Variants in ALDH5A1 observed in about 807,000 individuals in gnomAD.
ALDH5A1 encodes succinate-semialdehyde dehydrogenase, mitochondrial.
A neutral mutation model predicts 54.7 loss-of-function variants in ALDH5A1; 33 were observed. The ratio of observed to expected loss-of-function variants is 0.60; its 90% CI spans 0.46 to 0.81. ALDH5A1 has a LOEUF of 0.81. Ranked by LOEUF, ALDH5A1 falls within the 30% of genes least tolerant of loss-of-function variation. ALDH5A1 has a pLI of 0.00. For synonymous variants in ALDH5A1, 294 were observed against 292.7 expected (o/e 1.00, Z -0.05); for missense variants, 657 against 711.0 (o/e 0.92, Z 0.86).
At position 24,535,019 on chromosome 6, in the gene ALDH5A1, T is replaced by C. The variant is rs1760018141; in HGVS notation, c.*1307T>C. On this transcript the variant is annotated 3_prime_UTR_variant, in exon 10 of 10. Coordinates refer to ENST00000357578, the MANE Select transcript of ALDH5A1 (RefSeq NM_001080.3). Reference sequence around the variant, plus strand: ...CGCTATGACCGGCGTTGCCTCTCACTTTGAAAGAAAGACTCCGTAATCTTA... The same window carrying C: ...CGCTATGACCGGCGTTGCCTCTCACCTTGAAAGAAAGACTCCGTAATCTTA... The C allele has an allele frequency of 6.6e-6, 1 of 152,180 alleles. No homozygotes were observed. Among genetic ancestry groups the C allele is most frequent in the East Asian group, 1.9e-4 (1 of 5,196 alleles). The allele number at this position is 152,180 out of a possible 1,614,324, so 9.4% of individuals were successfully genotyped here.
rs775136518 is a variant in ALDH5A1, at chr6:24,503,419, G to A, written c.595G>A (p.Ala199Thr). The A allele has an allele frequency of 3.0e-5, 49 of 1,612,792 alleles. No individual in the cohort carries two copies. Among genetic ancestry groups the A allele is most frequent in the Non-Finnish European group, 4.1e-5 (48 of 1,179,946 alleles). Residue 199 changes from alanine to threonine, a missense_variant, in exon 3 of 10, where the codon GCA (alanine) becomes ACA (threonine). This residue lies in a region of ALDH5A1 where 425 missense variants were observed against 516.4 expected (regional missense o/e 0.82). Transcript: ENST00000357578. ...LVLKQPIGVA[A>T]VITPWNFPSA... ...CCTCAAGCAGCCCATAGGCGTGGCT[G>A]CAGTCATCACCCCGGTAGGTGACAG...
chr6:24,526,064 T>G (rs1009593224), intron 7 of ALDH5A1, among the ~76,000 whole-genome samples: 26 of 152,148 alleles, frequency 1.7e-4, no homozygotes, highest in South Asian at 4.1e-4. Flanking sequence ...GGAGCTGCCC[T>G]TATGTGAAGC....
intron 5 of ALDH5A1, among the ~76,000 whole-genome samples, chr6:24,515,925 T>A (rs1759562082): frequency 6.6e-6 from 1 of 152,166 alleles, no homozygotes. Flanking sequence ...CTGGAATGCA[T>A]CTTTCTTTCA....
chr6:24,517,869 G>A (rs762827941), intron 5 of ALDH5A1, among the ~76,000 whole-genome samples: 10 of 152,206 alleles, frequency 6.6e-5, no homozygotes, highest in Non-Finnish European at 1.3e-4. Context: ...CATACACAGC[G>A]AGCCTGTTCT....
At position 24,504,925 on chromosome 6, in the gene ALDH5A1, C is replaced by G; in HGVS notation, c.666C>G (p.Gly222=). The G allele has an allele frequency of 1.2e-6, 2 of 1,614,254 alleles. No individual in the cohort carries two copies. The highest frequency in any genetic ancestry group is 1.7e-6 in the Non-Finnish European group (2 of 1,180,052). ...AGGTGGGGGCCGCCCTGGCAGCCGG[C>G]TGTACTGTCGTGGTGAAGCCTGCCG... The part of the protein sequence containing the change: ...TRKVGAALAA[G]CTVVVKPAED... The change falls in exon 4 of 10, where the codon GGC becomes GGG. Residue 222 remains glycine, a synonymous_variant. Transcript: ENST00000357578.
At chr6:24,517,238 T>C (rs985476551) in intron 5 of ALDH5A1, among the ~76,000 whole-genome samples, 1 of 152,210 alleles carries the variant, frequency 6.6e-6, no homozygotes, top group African/African-American at 2.4e-5. Flanking sequence ...ACTCCTGGCC[T>C]CAAGTGATCC....
chr6:24,520,249 A>G, intron 5 of ALDH5A1, 152 bp from the exon 6 acceptor site: 1 of 891,176 alleles, frequency 1.1e-6, no homozygotes, highest in South Asian at 1.3e-5. Context: ...GTAAATATAT[A>G]TTCTTATTTC....
At chr6:24,507,653 C>A (rs6919046) in intron 4 of ALDH5A1, among the ~76,000 whole-genome samples, 3,260 of 151,956 alleles carry the variant, frequency 0.021, 108 homozygotes, top group African/African-American at 0.073. Flanking sequence ...TGGTTTTACT[C>A]CCTTAGGAAC....
chr6:24,499,334 G>A (rs1381398993), intron 1 of ALDH5A1, among the ~76,000 whole-genome samples: 2 of 152,140 alleles, frequency 1.3e-5, no homozygotes, highest in East Asian at 1.9e-4. Flanking sequence ...ATACACCTGT[G>A]CAGATGTGGG....
intron 4 of ALDH5A1, among the ~76,000 whole-genome samples, chr6:24,506,432 T>C (rs1759359626): frequency 1.3e-5 from 2 of 151,834 alleles, no homozygotes; most frequent in East Asian, 3.9e-4. Context: ...TTTGTATTTT[T>C]TGGAGAGACT....
Position 24,518,401 on chromosome 6 carries a change from G to C in ALDH5A1, c.871-2000G>C, listed in dbSNP as rs1206099064. Among the ~76,000 whole-genome samples, 1 of 152,092 alleles carries C rather than the reference G, an allele frequency of 6.6e-6. No homozygotes were observed. The highest frequency in any genetic ancestry group is 2.4e-5 in the African/African-American group (1 of 41,408). On this transcript the variant is annotated intron_variant, in intron 5 of 9. Coordinates refer to ENST00000357578, the MANE Select transcript of ALDH5A1 (RefSeq NM_001080.3). The surrounding 1 kb of genome is among the most constrained non-coding windows in gnomAD (Gnocchi z 4.2). The stretch of plus-strand genomic sequence containing the variant: ...AGAAGCAGAGACTGAGTGGGGAGAG[G>C]ACACTGTCAGAGGACACAGAGCCAG...
chr6:24,518,854 T>A lies in ALDH5A1; in HGVS notation c.871-1547T>A, dbSNP rs771321146. Among the ~76,000 whole-genome samples the A allele has an allele frequency of 1.8e-4, 28 of 152,158 alleles. No homozygotes were observed. Among genetic ancestry groups the A allele is most frequent in the Non-Finnish European group, 2.5e-4 (17 of 68,036 alleles). ...AGCCACCTTGGGCTTGCGAACACCG[T>A]CTGTTTCACTCGAACTATCTCAAGT... On this transcript the variant is annotated intron_variant, in intron 5 of 9. Coordinates refer to ENST00000357578, the MANE Select transcript of ALDH5A1 (RefSeq NM_001080.3). This position sits in a 1 kb window ranked among gnomAD's most constrained non-coding sequence, Gnocchi z 4.2.
chr6:24,508,392 T>TAAAAAAA (rs1561871767), intron 4 of ALDH5A1, among the ~76,000 whole-genome samples: 9 of 13,854 alleles, frequency 6.5e-4, no homozygotes, highest in African/African-American at 1.2e-3. Context: ...AAAAAAAGAT[T>TAAAAAAA]AATAGTCTCT....
At chr6:24,498,802 A>G (rs528495984) in intron 1 of ALDH5A1, among the ~76,000 whole-genome samples, 4 of 152,186 alleles carry the variant, frequency 2.6e-5, no homozygotes, top group East Asian at 3.9e-4. Context: ...TGTCTCTACT[A>G]AAAATACAAA....
chr6:24,536,689 T>G lies in ALDH5A1; in HGVS notation c.*2977T>G, dbSNP rs973327928. On this transcript the variant is annotated 3_prime_UTR_variant, in exon 10 of 10. Transcript: ENST00000357578. Reference sequence around the variant, plus strand: ...CATGAAATTAGCCACGTAACAAGAGTCTATTTGCCTTGAAAAAACAATTAT... The same window carrying G: ...CATGAAATTAGCCACGTAACAAGAGGCTATTTGCCTTGAAAAAACAATTAT... 2 of 152,136 alleles carry G rather than the reference T, an allele frequency of 1.3e-5. No individual in the cohort carries two copies. The highest frequency in any genetic ancestry group is 4.8e-5 in the African/African-American group (2 of 41,426). 9.4% of individuals were successfully genotyped at this position (152,136 alleles called of 1,614,324 possible).
intron 1 of ALDH5A1, among the ~76,000 whole-genome samples, chr6:24,500,372 T>C (rs1561868408): frequency 6.6e-6 from 1 of 152,026 alleles, no homozygotes; most frequent in African/African-American, 2.4e-5. Flanking sequence ...GCCACTATAA[T>C]AGGGAACAAT....
At position 24,495,207 on chromosome 6, in the gene ALDH5A1, C is replaced by G; in HGVS notation, c.211C>G (p.Pro71Ala). 1 of 1,507,950 alleles carries G rather than the reference C, an allele frequency of 6.6e-7. No individual in the cohort carries two copies. The highest frequency in any genetic ancestry group is 8.8e-7 in the Non-Finnish European group (1 of 1,136,140). The allele number at this position is 1,507,950 out of a possible 1,614,324, so 93.4% of individuals were successfully genotyped here. ...CAGCTTCGTGGGCGGCCGCTGGCTC[C>G]CGGCCGCCGCCACCTTCCCCGTGCA... The part of the protein sequence containing the change: ...TDSFVGGRWL[P>A]AAATFPVQDP... Residue 71 changes from proline to alanine, a missense_variant, in exon 1 of 10, where the codon CCG becomes GCG. By Grantham distance (27) the Pro-to-Ala change is conservative. Around this residue, in one of 2 missense-constraint regions of ALDH5A1, gnomAD observed 232 missense variants for 194.6 expected, o/e 1.19. Coordinates refer to ENST00000357578, the MANE Select transcript of ALDH5A1 (RefSeq NM_001080.3).
rs1178556679 is a variant in ALDH5A1, at chr6:24,522,937, G to A, written c.1173+12G>A. ...AAGCGGTAGAAAAGGTAAGTATATTGTATTATTTGTGAAAGTAAATTTCAT... is the reference window on the plus strand; with the variant it reads ...AAGCGGTAGAAAAGGTAAGTATATTATATTATTTGTGAAAGTAAATTTCAT... On this transcript the variant is annotated intron_variant, in intron 7 of 9. Transcript: ENST00000357578. The A allele has an allele frequency of 5.6e-6, 8 of 1,419,538 alleles. No homozygotes were observed. The Admixed American group carries it at 1.3e-4, about 23-fold the overall frequency. 87.9% of individuals were successfully genotyped at this position (1,419,538 alleles called of 1,614,324 possible). A position where few individuals can be genotyped will look rare whatever the true frequency, so the allele number is the denominator to read the frequency against.
intron 4 of ALDH5A1, among the ~76,000 whole-genome samples, chr6:24,512,980 G>C (rs185402898): frequency 9.2e-5 from 14 of 152,112 alleles, no homozygotes; most frequent in Admixed American, 5.2e-4. Context: ...GTGAGCCACC[G>C]CACCTGGCCC....
Sources: gnomAD v4.1 joint callset for allele counts (sites outside exome capture counted in the v4.1 genomes callset) on GRCh38, gnomAD v4.1.1 for gene constraint, gnomAD v4.1.1 regional missense constraint, Gnocchi (gnomAD v3.1) non-coding constraint, MANE v1.5 for transcripts, NCBI Gene and HGNC (gene_info 2026-07-23, HGNC 2026-07-21) for gene names.